The following KLHL15 variants were observed in gnomAD, a reference collection of about 807,000 sequenced individuals.
The protein encoded by KLHL15 is kelch like family member 15.
KLHL15 carries 1 observed loss-of-function variant against 29.3 expected under a neutral mutation model. That is an observed-to-expected ratio of 0.03 (90% CI 0.01 to 0.16). The LOEUF (loss-of-function observed/expected upper bound fraction) is 0.16. Ranked by LOEUF, KLHL15 falls within the 10% of genes least tolerant of loss-of-function variation. KLHL15 has a pLI of 1.00. For missense variants in KLHL15, 215 were observed against 478.5 expected (o/e 0.45, Z 5.14); for synonymous variants, 212 against 184.5 (o/e 1.15, Z -1.21).
At chrX:23,998,939 C>T (rs964380559) in intron 3 of KLHL15, among the ~76,000 whole-genome samples, 1 of 110,877 alleles carries the variant, frequency 9.0e-6, no homozygotes, top group Non-Finnish European at 1.9e-5. Context: ...GAGTTTCGCT[C>T]TTGCTGCCCA....
chrX:24,022,578 G>A (rs768793943), intron 2 of KLHL15, among the ~76,000 whole-genome samples: 1 of 105,757 alleles, frequency 9.5e-6, no homozygotes, highest in African/African-American at 3.5e-5. Context: ...AGGTTCCAAT[G>A]AGCGGGGATC....
chrX:24,022,250 A>G (rs751071760), intron 2 of KLHL15, among the ~76,000 whole-genome samples: 367 of 104,764 alleles, frequency 3.5e-3, no homozygotes, highest in Middle Eastern at 0.025. Context: ...CAGGAGAATC[A>G]CTTGAACCCG....
chrX:24,006,724 A>C (rs761521640), intron 2 of KLHL15, 24 bp from the exon 3 acceptor site: 5 of 1,038,129 alleles, frequency 4.8e-6, no homozygotes, highest in Admixed American at 2.9e-5. Flanking sequence ...AAAGACAACA[A>C]TGTTAAACAC....
At chrX:23,999,018 T>A (rs1929252907) in intron 3 of KLHL15, among the ~76,000 whole-genome samples, 1 of 111,252 alleles carries the variant, frequency 9.0e-6, no homozygotes, top group African/African-American at 3.3e-5. Flanking sequence ...CGGATTCTCC[T>A]GCCTCAGCCT....
chrX:24,024,648 T>G (rs1156495049), intron 2 of KLHL15, among the ~76,000 whole-genome samples: 1 of 113,172 alleles, frequency 8.8e-6, no homozygotes, highest in Non-Finnish European at 1.9e-5. Context: ...ATGGCTGAAT[T>G]ATGCTTCTTC....
chrX:24,021,739 T>C (rs1034891311), intron 2 of KLHL15, among the ~76,000 whole-genome samples: 20 of 111,131 alleles, frequency 1.8e-4, no homozygotes, highest in Non-Finnish European at 3.4e-4. Flanking sequence ...AGTTGTGAAG[T>C]TGGGGTCTGC....
At chrX:23,999,898 A>G (rs1001121069) in intron 3 of KLHL15, among the ~76,000 whole-genome samples, 1 of 112,256 alleles carries the variant, frequency 8.9e-6, no homozygotes, top group African/African-American at 3.2e-5. Context: ...ACAATCTTCC[A>G]AAGTCCATGG....
rs1929027900 is a variant in KLHL15, at chrX:23,988,794, T to C, written c.942A>G (p.Gln314=). ...PRVWWELEGP[Q]VPLRPDCLAI... is the part of the protein sequence containing the mutation. ...CAAGGCAGTCAGGTCGCAGAGGTAC[T>C]TGTGGGCCTTCTAGCTCCCACCAGA... Residue 314 remains glutamine, a synonymous_variant, in exon 4 of 4, where the codon CAA becomes CAG. Transcript: ENST00000328046. The C allele has an allele frequency of 8.3e-7, 1 of 1,210,046 alleles. No individual in the cohort carries two copies. The highest frequency in any genetic ancestry group is 1.7e-5 in the African/African-American group (1 of 57,173).
intron 3 of KLHL15, among the ~76,000 whole-genome samples, chrX:23,989,780 A>C (rs971891102): frequency 9.0e-6 from 1 of 110,765 alleles, no homozygotes; most frequent in Non-Finnish European, 1.9e-5. Flanking sequence ...TATCAGGTCA[A>C]ACTTTTTCCT....
intron 2 of KLHL15, among the ~76,000 whole-genome samples, chrX:24,021,965 G>C (rs1307221567): frequency 9.0e-6 from 1 of 111,677 alleles, no homozygotes; most frequent in Non-Finnish European, 1.9e-5. Context: ...ATTTGCACTG[G>C]GAAAGGCCAG....
At chrX:24,002,707 A>C (rs923922082) in intron 3 of KLHL15, among the ~76,000 whole-genome samples, 1 of 108,894 alleles carries the variant, frequency 9.2e-6, no homozygotes. Flanking sequence ...GGCTCACTGC[A>C]ACCTCGACCT....
chrX:24,013,494 C>A (rs960481444), intron 2 of KLHL15, among the ~76,000 whole-genome samples: 1 of 110,252 alleles, frequency 9.1e-6, no homozygotes, highest in Non-Finnish European at 1.9e-5. Context: ...GAACTCCTGA[C>A]CTCGAGAGAT....
At chrX:23,994,055 A>AAAG (rs1555975095) in intron 3 of KLHL15, among the ~76,000 whole-genome samples, 1 of 108,569 alleles carries the variant, frequency 9.2e-6, no homozygotes, top group African/African-American at 3.4e-5. Context: ...TCAAAAAAAA[A>AAAG]AAAAAAAGAA....
rs374638984 is a variant in KLHL15, at chrX:24,006,523, T to C, written c.171A>G (p.Arg57=). ...CCCTCATGTCTGCAGTAAACATAAT[T>C]CTGAAGTAATCACTCTGGGTGGCCA... The part of the protein sequence containing the change: ...ALLATQSDYF[R]IMFTADMRER... Residue 57 remains arginine, a synonymous_variant, in exon 3 of 4, where the codon AGA becomes AGG. Transcript: ENST00000328046. The C allele has an allele frequency of 8.3e-7, 1 of 1,209,355 alleles. No individual in the cohort carries two copies. Among genetic ancestry groups the C allele is most frequent in the Non-Finnish European group, 1.1e-6 (1 of 895,127 alleles).
At chrX:24,000,014 T>C (rs1032897621) in intron 3 of KLHL15, among the ~76,000 whole-genome samples, 20 of 112,036 alleles carry the variant, frequency 1.8e-4, no homozygotes, top group African/African-American at 6.5e-4. Flanking sequence ...ACAGAAAACC[T>C]GCTCATCTCT....
At chrX:23,997,839 G>T (rs971535075) in intron 3 of KLHL15, among the ~76,000 whole-genome samples, 1 of 108,503 alleles carries the variant, frequency 9.2e-6, no homozygotes, top group Non-Finnish European at 1.9e-5. Flanking sequence ...AGCACTTTGG[G>T]AGGCTGAGGC....
chrX:23,997,508 A>T (rs1392839199), intron 3 of KLHL15, among the ~76,000 whole-genome samples: 1 of 109,269 alleles, frequency 9.2e-6, no homozygotes, highest in African/African-American at 3.3e-5. Flanking sequence ...GAGGCAGGTG[A>T]ACACCTGAGC....
At chrX:24,016,360 AAAAAAAAAG>A (rs1929683550) in intron 2 of KLHL15, among the ~76,000 whole-genome samples, 1 of 95,320 alleles carries the variant, frequency 1.0e-5, no homozygotes, top group African/African-American at 4.4e-5. Context: ...AAAAAAAAAA[AAAAAAAAAG>A]GGGGGGTATA....
At chrX:23,992,815 T>C (rs1047186081) in intron 3 of KLHL15, among the ~76,000 whole-genome samples, 4 of 111,821 alleles carry the variant, frequency 3.6e-5, no homozygotes, top group East Asian at 5.6e-4. Flanking sequence ...TTACAACAGA[T>C]GGTAAAAATT....
Sources: gnomAD v4.1 joint callset for allele counts (sites outside exome capture counted in the v4.1 genomes callset) on GRCh38, gnomAD v4.1.1 for gene constraint, MANE v1.5 for transcripts, NCBI Gene and HGNC (gene_info 2026-07-23, HGNC 2026-07-21) for gene names.